The following PTPRD variants were observed in gnomAD, a reference collection of about 807,000 sequenced individuals.
PTPRD encodes receptor-type tyrosine-protein phosphatase delta.
Under a neutral mutation model 214.5 loss-of-function variants are expected in PTPRD, and 34 were observed. The ratio of observed to expected loss-of-function variants is 0.16; its 90% CI spans 0.12 to 0.21. The LOEUF is 0.21. Among genes scored for constraint, PTPRD ranks in the 10% least tolerant of loss-of-function variants. The pLI is 1.00. For missense variants in PTPRD, 2,545 were observed against 2,398.7 expected (o/e 1.06, Z -1.27); for synonymous variants, 1,128 against 845.7 (o/e 1.33, Z -5.79).
At chr9:9,858,334 G>A (rs1355144599) in intron 5 of PTPRD, among the ~76,000 whole-genome samples, 8 of 152,148 alleles carry the variant, frequency 5.3e-5, no homozygotes, top group Admixed American at 2.6e-4. Flanking sequence ...TCTGATTTTA[G>A]AGACACAAAC....
At chr9:10,575,003 A>C (rs1045903640) in intron 2 of PTPRD, among the ~76,000 whole-genome samples, 7 of 151,814 alleles carry the variant, frequency 4.6e-5, no homozygotes, top group African/African-American at 1.7e-4. Flanking sequence ...ACAAAGAAAA[A>C]AATCATCAGG....
At chr9:9,345,086 A>G (rs1181567197) in intron 9 of PTPRD, among the ~76,000 whole-genome samples, 1 of 152,132 alleles carries the variant, frequency 6.6e-6, no homozygotes, top group Admixed American at 6.6e-5. Context: ...CAGACAGGAA[A>G]GTGGTTCATC....
At chr9:9,297,089 G>A (rs1256968516) in intron 9 of PTPRD, among the ~76,000 whole-genome samples, 2 of 151,546 alleles carry the variant, frequency 1.3e-5, no homozygotes, top group Non-Finnish European at 3.0e-5. Flanking sequence ...GCTACTTCTG[G>A]CTTCAGACTG....
chr9:8,935,443 C>T (rs1192702842), intron 11 of PTPRD, among the ~76,000 whole-genome samples: 1 of 147,186 alleles, frequency 6.8e-6, no homozygotes, highest in South Asian at 2.2e-4. Flanking sequence ...ACTGTGGTGC[C>T]TACCTTTAAA....
At chr9:9,445,256 C>T (rs940427601) in intron 8 of PTPRD, among the ~76,000 whole-genome samples, 1 of 152,198 alleles carries the variant, frequency 6.6e-6, no homozygotes, top group African/African-American at 2.4e-5. Flanking sequence ...ACCTACCATA[C>T]TTATCTGTCC....
intron 11 of PTPRD, among the ~76,000 whole-genome samples, chr9:8,980,677 C>A: frequency 6.6e-6 from 1 of 152,066 alleles, no homozygotes; most frequent in South Asian, 2.1e-4. Flanking sequence ...CTCTGGCATT[C>A]CATTAGGAAG....
At chr9:9,671,992 T>C (rs1444112346) in intron 7 of PTPRD, among the ~76,000 whole-genome samples, 2 of 152,166 alleles carry the variant, frequency 1.3e-5, no homozygotes, top group Non-Finnish European at 2.9e-5. Context: ...ATTGCTACTG[T>C]ACATTAAAAC....
chr9:10,278,650 A>T (rs2094877701), intron 3 of PTPRD, among the ~76,000 whole-genome samples: 1 of 152,118 alleles, frequency 6.6e-6, no homozygotes, highest in Admixed American at 6.6e-5. Flanking sequence ...AACACCATAA[A>T]TTTTCAAATC....
chr9:9,343,640 C>T (rs958503569), intron 9 of PTPRD, among the ~76,000 whole-genome samples: 6 of 151,650 alleles, frequency 4.0e-5, no homozygotes, highest in Non-Finnish European at 4.4e-5. Context: ...TTTCCAGTGT[C>T]AACAAAATCA....
At chr9:10,486,506 T>C (rs1159770184) in intron 2 of PTPRD, among the ~76,000 whole-genome samples, 4 of 152,174 alleles carry the variant, frequency 2.6e-5, no homozygotes, top group Admixed American at 2.6e-4. Context: ...TGTGGTGTTA[T>C]TTCTGAGGTC....
intron 11 of PTPRD, among the ~76,000 whole-genome samples, chr9:8,875,954 A>C (rs10759013): frequency 0.77 from 116,557 of 152,162 alleles, 48,078 homozygotes; most frequent in East Asian, 0.99. Flanking sequence ...TGATGCCGAG[A>C]CACTGAATTC....
intron 12 of PTPRD, among the ~76,000 whole-genome samples, chr9:8,690,528 C>CA (rs60727792): frequency 0.27 from 34,418 of 126,544 alleles, 4,778 homozygotes; most frequent in African/African-American, 0.4. Context: ...GACTCCGTCT[C>CA]AAAAAAAAAA....
chr9:8,835,252 G>A (rs187757206), intron 11 of PTPRD, among the ~76,000 whole-genome samples: 2 of 152,338 alleles, frequency 1.3e-5, no homozygotes, highest in Non-Finnish European at 2.9e-5. Context: ...GATGGATCTG[G>A]CTCTGCATTT....
chr9:10,278,038 T>C (rs2094826489), intron 3 of PTPRD, among the ~76,000 whole-genome samples: 2 of 152,010 alleles, frequency 1.3e-5, no homozygotes, highest in South Asian at 2.1e-4. Context: ...CGGACGCCTG[T>C]AGTCCCAGCT....
intron 2 of PTPRD, among the ~76,000 whole-genome samples, chr9:10,510,874 C>T (rs1185761324): frequency 6.6e-6 from 1 of 152,120 alleles, no homozygotes; most frequent in Non-Finnish European, 1.5e-5. Flanking sequence ...CCTTCCCAGC[C>T]TCTGGTAATC....
chr9:9,601,559 G>C (rs577656068), intron 7 of PTPRD, among the ~76,000 whole-genome samples: 1 of 152,146 alleles, frequency 6.6e-6, no homozygotes, highest in South Asian at 2.1e-4. Context: ...TGGAGTTAGA[G>C]ATATTTAGAT....
intron 3 of PTPRD, among the ~76,000 whole-genome samples, chr9:10,069,980 T>C (rs760604303): frequency 1.3e-5 from 2 of 152,058 alleles, no homozygotes; most frequent in African/African-American, 4.8e-5. Flanking sequence ...ATGAACACAC[T>C]GATTATTGTT....
intron 9 of PTPRD, among the ~76,000 whole-genome samples, chr9:9,259,504 C>G (rs996006895): frequency 6.6e-6 from 1 of 151,832 alleles, no homozygotes; most frequent in Non-Finnish European, 1.5e-5. Context: ...GGTGAAAGCA[C>G]TTGGAACACA....
At position 9,933,552 on chromosome 9, in the gene PTPRD, A is replaced by G. The variant is rs543903947; in HGVS notation, c.-368+4955T>C. ...ACTATCCTAAATATATATACACCCA[A>G]CACAGGAGCACCCAGATTCATAAAG... is the stretch of plus-strand genomic sequence containing the variant. On this transcript the variant is annotated intron_variant, in intron 5 of 45. Coordinates refer to ENST00000381196, the MANE Select transcript of PTPRD (RefSeq NM_002839.4). Among the ~76,000 whole-genome samples the G allele has an allele frequency of 5.2e-4, 79 of 151,778 alleles. 3 individuals are homozygous for G. The highest frequency in any genetic ancestry group is 1.9e-3 in the African/African-American group (76 of 40,976).
Sources: allele counts gnomAD v4.1 joint callset (sites outside exome capture counted in the v4.1 genomes callset), GRCh38; gene constraint gnomAD v4.1.1; transcripts MANE v1.5; gene names NCBI Gene and HGNC (gene_info 2026-07-23, HGNC 2026-07-21).